Variants in IL33 observed in about 807,000 individuals in gnomAD.
The protein encoded by IL33 is interleukin-33.
A neutral mutation model predicts 27.3 loss-of-function variants in IL33; 37 were observed. The ratio of observed to expected loss-of-function variants is 1.36; its 90% confidence interval spans 1.04 to 1.78. The LOEUF is 1.78. IL33 is among the 40% of genes most tolerant of loss of function. The pLI, the probability that IL33 is intolerant of heterozygous loss-of-function variation, is 0.00. For missense variants in IL33, 406 were observed against 311.4 expected, an observed-to-expected ratio of 1.30 and a Z score of -2.29; for synonymous variants, 132 against 102.9, an observed-to-expected ratio of 1.28 and a Z score of -1.71.
intron 1 of IL33, among the ~76,000 whole-genome samples, chr9:6,218,511 T>C (rs1201068851): frequency 6.6e-6 from 1 of 151,590 alleles, no homozygotes; most frequent in African/African-American, 2.4e-5. Flanking sequence ...GAAATTCAAT[T>C]GTGAAAAGTT....
Position 6,256,021 on chromosome 9 carries a change from T to G in IL33, c.666T>G (p.Asn222Lys), listed in dbSNP as rs566393138. ...LPDQAFFVLH[N>K]MHSNCVSFEC... ...ACCAGGCCTTCTTTGTCCTTCATAA[T>G]ATGCACTCCAACTGTGTTTCATTTG... Residue 222 changes from asparagine to lysine, a missense_variant, in exon 8 of 8, where the codon AAT (asparagine) becomes AAG (lysine). Physicochemically the swap from Asn to Lys is moderately conservative, Grantham distance 94. Transcript: ENST00000682010. 6.2e-7 allele frequency: 1 copy of G among 1,613,768 alleles called. No individual in the cohort carries two copies. Among genetic ancestry groups the G allele is most frequent in the Non-Finnish European group, 8.5e-7 (1 of 1,179,706 alleles).
upstream of IL33, among the ~76,000 whole-genome samples, chr9:6,215,154 T>C (rs1355075256): frequency 6.6e-6 from 1 of 152,178 alleles, no homozygotes; most frequent in African/African-American, 2.4e-5. Context: ...CTGCTACAGA[T>C]GCCAAACGAG....
At chr9:6,255,890 A>G (rs969144125) in intron 7 of IL33, 78 bp from the exon 8 acceptor site, 5 of 1,118,824 alleles carry the variant, frequency 4.5e-6, no homozygotes, top group Admixed American at 3.6e-5. Context: ...ATTCCCCTTT[A>G]GTTTCCAATA....
intron 1 of IL33, among the ~76,000 whole-genome samples, chr9:6,226,243 G>A (rs1020964444): frequency 6.6e-6 from 1 of 151,722 alleles, no homozygotes; most frequent in African/African-American, 2.4e-5. Flanking sequence ...TAAAACTCCT[G>A]GTCTCAAGAG....
chr9:6,254,365 T>C (rs879853978), intron 6 of IL33, 97 bp from the exon 7 acceptor site: 36 of 671,030 alleles, frequency 5.4e-5, no homozygotes, highest in Non-Finnish European at 7.8e-5. Flanking sequence ...AATTATTTTA[T>C]GTAACATCTT....
chr9:6,256,530 T>A lies in IL33; in HGVS notation c.*362T>A, dbSNP rs547990854. 1 of 370,386 alleles carries A rather than the reference T, an allele frequency of 2.7e-6. No individual in the cohort carries two copies. Among genetic ancestry groups the A allele is most frequent in the East Asian group, 3.7e-5 (1 of 26,942 alleles). The allele number at this position is 370,386 out of a possible 1,614,324, so 22.9% of individuals were successfully genotyped here. A position where few individuals can be genotyped will look rare whatever the true frequency, so the allele number is the denominator to read the frequency against. ...GAAAGAGCCATAGCTTAAGTCTCTA[T>A]GTAGACAGGGATCCATTTTAAAGAG... On this transcript the variant is annotated 3_prime_UTR_variant, in exon 8 of 8. Transcript: ENST00000682010.
intron 2 of IL33, among the ~76,000 whole-genome samples, chr9:6,247,849 C>T (rs1054111279): frequency 6.6e-6 from 1 of 151,862 alleles, no homozygotes; most frequent in Non-Finnish European, 1.5e-5. Context: ...TGTAGTAACC[C>T]CCATCCTTGA....
chr9:6,255,999 A>T lies in IL33; in HGVS notation c.644A>T (p.Gln215Leu). 1 of 1,613,716 alleles carries T rather than the reference A, an allele frequency of 6.2e-7. No homozygotes were observed. Among genetic ancestry groups the T allele is most frequent in the Admixed American group, 1.7e-5 (1 of 59,990 alleles). ...AAGTGTGAAAAACCACTGCCAGACC[A>T]GGCCTTCTTTGTCCTTCATAATATG... The part of the protein sequence containing the change: ...LHKCEKPLPD[Q>L]AFFVLHNMHS... Residue 215 changes from glutamine (Q) to leucine (L), a missense_variant, in exon 8 of 8, where the codon CAG becomes CTG. Physicochemically the swap from Gln to Leu is moderately radical, Grantham distance 113 (BLOSUM62 -2). Coordinates refer to ENST00000682010, the MANE Select transcript of IL33 (RefSeq NM_033439.4).
chr9:6,248,382 T>A (rs954525827), intron 2 of IL33, among the ~76,000 whole-genome samples: 1 of 151,008 alleles, frequency 6.6e-6, no homozygotes, highest in Non-Finnish European at 1.5e-5. Flanking sequence ...TCCACCATCA[T>A]AAACAGATTA....
At chr9:6,251,402 T>G (rs1382287108) in intron 4 of IL33, 137 bp downstream of exon 4, 2 of 1,280,434 alleles carry the variant, frequency 1.6e-6, no homozygotes, top group Admixed American at 4.4e-5. Context: ...TTGCAGCTGA[T>G]GTACCCATCT....
At chr9:6,233,409 A>G (rs1047697969) in intron 1 of IL33, among the ~76,000 whole-genome samples, 58 of 152,104 alleles carry the variant, frequency 3.8e-4, no homozygotes, top group African/African-American at 1.3e-3. Context: ...CTCCTTTTCA[A>G]AGCTGATCCT....
chr9:6,228,028 T>C (rs1374289700), intron 1 of IL33, among the ~76,000 whole-genome samples: 1 of 152,200 alleles, frequency 6.6e-6, no homozygotes, highest in African/African-American at 2.4e-5. Flanking sequence ...AGTTTCCTCA[T>C]ATATAAAAGA....
chr9:6,228,833 C>G (rs1183324276), intron 1 of IL33, among the ~76,000 whole-genome samples: 1 of 121,348 alleles, frequency 8.2e-6, no homozygotes, highest in Non-Finnish European at 1.7e-5. Context: ...GGTGACAGAG[C>G]AAAACACTGA....
At chr9:6,223,733 A>C (rs1818510171) in intron 1 of IL33, among the ~76,000 whole-genome samples, 1 of 152,208 alleles carries the variant, frequency 6.6e-6, no homozygotes, top group Non-Finnish European at 1.5e-5. Flanking sequence ...CACTTGATAT[A>C]CTTTTAGCTG....
At chr9:6,220,151 C>T (rs1818347240) in intron 1 of IL33, among the ~76,000 whole-genome samples, 1 of 151,844 alleles carries the variant, frequency 6.6e-6, no homozygotes, top group African/African-American at 2.4e-5. Context: ...TTTTTTTTGC[C>T]ATTCCCATTG....
At position 6,250,553 on chromosome 9, in the gene IL33, C is replaced by T. The variant is rs755118322; in HGVS notation, c.171C>T (p.Ala57=). ...LRSGLMIKKE[A]CYFRRETTKR... is the part of the protein sequence containing the mutation. Reference sequence around the variant, plus strand: ...CTGGCCTTATGATAAAAAAGGAGGCCTGTTACTTTAGGAGAGAAACCACCA... The same window carrying T: ...CTGGCCTTATGATAAAAAAGGAGGCTTGTTACTTTAGGAGAGAAACCACCA... The change falls in exon 3 of 8, where the codon GCC becomes GCT. Residue 57 remains alanine (A), a synonymous_variant. Coordinates refer to ENST00000682010, the MANE Select transcript of IL33 (RefSeq NM_033439.4). 21 of 1,613,858 alleles carry T rather than the reference C, an allele frequency of 1.3e-5. No individual in the cohort carries two copies. The highest frequency in any genetic ancestry group is 1.8e-5 in the Non-Finnish European group (21 of 1,179,932).
intron 1 of IL33, among the ~76,000 whole-genome samples, chr9:6,229,362 G>A (rs1818816213): frequency 6.6e-6 from 1 of 152,170 alleles, no homozygotes; most frequent in Non-Finnish European, 1.5e-5. Flanking sequence ...GGGCCCAGGA[G>A]GGGAATAAAA....
rs1451494717 is a variant in IL33 at position 6,215,821 on chromosome 9, C to T, written c.-43C>T. On this transcript the variant is annotated 5_prime_UTR_variant, in exon 1 of 8. Coordinates refer to ENST00000682010, the MANE Select transcript of IL33 (RefSeq NM_033439.4). ...CTCCTCCGAACACAGAGCTGCAGCT[C>T]TTCAGGGAAGAAATCAAAACAAGAT... 1 of 152,080 alleles carries T rather than the reference C, an allele frequency of 6.6e-6. No individual in the cohort carries two copies. The highest frequency in any genetic ancestry group is 1.5e-5 in the Non-Finnish European group (1 of 68,036). 9.4% of individuals were successfully genotyped at this position (152,080 alleles called of 1,614,324 possible).
rs1031203901 is a variant in IL33 at position 6,250,372 on chromosome 9, C to G, written c.92-102C>G. 6 of 1,312,722 alleles carry G rather than the reference C, an allele frequency of 4.6e-6. No individual in the cohort carries two copies. In the Admixed American group the frequency reaches 1.3e-4, roughly 29 times the overall value. The allele number at this position is 1,312,722 out of a possible 1,614,324, so 81.3% of individuals were successfully genotyped here. A position where few individuals can be genotyped will look rare whatever the true frequency, so the allele number is the denominator to read the frequency against. ...TGAGTTAAGGATTTCTGATAAGATA[C>G]TGTGAACCTGTACTTGCTTTCTTGG... On this transcript the variant is annotated intron_variant, in intron 2 of 7. Coordinates refer to ENST00000682010, the MANE Select transcript of IL33 (RefSeq NM_033439.4).
Sources: gnomAD v4.1 joint callset for allele counts (sites outside exome capture counted in the v4.1 genomes callset) on GRCh38, gnomAD v4.1.1 for gene constraint, MANE v1.5 for transcripts, NCBI Gene and HGNC (gene_info 2026-07-23, HGNC 2026-07-21) for gene names.